Variants in POLR1A observed in about 807,000 individuals in gnomAD.
POLR1A encodes RNA polymerase I subunit A.
In POLR1A, 84 loss-of-function variants were observed where a neutral mutation model predicts 205.3. The observed-to-expected ratio is 0.41, with a 90% CI of 0.34 to 0.49. POLR1A has a LOEUF of 0.49. POLR1A is among the 20% of genes least tolerant of loss of function. POLR1A has a pLI of 0.22. For synonymous variants in POLR1A, 799 were observed against 863.7 expected, an observed-to-expected ratio of 0.93 and a Z score of 1.31; for missense variants, 1,645 against 2,204.5, an observed-to-expected ratio of 0.75 and a Z score of 5.08.
In POLR1A at chr2:86,028,957, C is replaced by T. The variant is rs1672325715; in HGVS notation, c.4780-246G>A. ...AAGAATCCAGCGTGTCCACTTTGGACACGCTTTAGATTCAATGGGAAGAAA... is the reference window on the plus strand; with the variant it reads ...AAGAATCCAGCGTGTCCACTTTGGATACGCTTTAGATTCAATGGGAAGAAA... On this transcript the variant is annotated intron_variant, in intron 31 of 33. Transcript: ENST00000263857. The surrounding 1 kb of genome is among the most constrained non-coding windows in gnomAD (Gnocchi z 4.5). Among the ~76,000 whole-genome samples the T allele has an allele frequency of 6.6e-6, 1 of 152,186 alleles. No homozygotes were observed. Among genetic ancestry groups the T allele is most frequent in the Non-Finnish European group, 1.5e-5 (1 of 68,036 alleles).
intron 2 of POLR1A, among the ~76,000 whole-genome samples, chr2:86,099,414 C>A (rs956141022): frequency 2.0e-4 from 30 of 151,204 alleles, no homozygotes; most frequent in African/African-American, 7.1e-4. Flanking sequence ...AAATCATGTC[C>A]ATGTATACCA....
chr2:86,022,850 G>A lies in POLR1A; in HGVS notation c.*4573C>T, dbSNP rs1024992459. On this transcript the variant is annotated 3_prime_UTR_variant, in exon 34 of 34. Coordinates refer to ENST00000263857, the MANE Select transcript of POLR1A (RefSeq NM_015425.6). ...CTGCCTGAGTCTCTTAAAGTGCTGG[G>A]ACTGTAAGCGTGAGCCACTGTGCCC... The A allele has an allele frequency of 6.6e-6, 1 of 152,096 alleles. No individual in the cohort carries two copies. The highest frequency in any genetic ancestry group is 1.5e-5 in the Non-Finnish European group (1 of 68,060). 9.4% of individuals were successfully genotyped at this position (152,096 alleles called of 1,614,324 possible).
chr2:86,060,633 G>A (rs1467941905), intron 14 of POLR1A, among the ~76,000 whole-genome samples: 1 of 152,100 alleles, frequency 6.6e-6, no homozygotes, highest in Non-Finnish European at 1.5e-5. Context: ...AAATCCATAT[G>A]GGAAAATATG....
rs1673754291 is a variant in POLR1A at position 86,098,699 on chromosome 2, G to GC, written c.343dup (p.Ala115GlyfsTer25). On this transcript the variant is annotated frameshift_variant, in exon 3 of 34. Transcript: ENST00000263857. LOFTEE classifies it high-confidence loss of function. Reference sequence around the variant, plus strand: ...CTGGCAGAGTAAGAGGTGAATCACGGCCCGGGGACAAGTCAGCATGTGGCA... The same window carrying GC: ...CTGGCAGAGTAAGAGGTGAATCACGGCCCCGGGGACAAGTCAGCATGTGGCA... 1.2e-6 allele frequency: 2 copies of GC among 1,613,760 alleles called. No homozygotes were observed. Among genetic ancestry groups the GC allele is most frequent in the Non-Finnish European group, 1.7e-6 (2 of 1,179,956 alleles).
At chr2:86,032,155 G>T in intron 29 of POLR1A, 117 bp downstream of exon 29, 1 of 737,150 alleles carries the variant, frequency 1.4e-6, no homozygotes, top group Admixed American at 2.0e-5. Flanking sequence ...CTGCTTCAGG[G>T]TTCCTTGTGG....
chr2:86,053,208 G>A (rs1672837154), intron 15 of POLR1A, among the ~76,000 whole-genome samples: 1 of 152,068 alleles, frequency 6.6e-6, no homozygotes, highest in Admixed American at 6.5e-5. Context: ...ACAGAGGCAA[G>A]CATATACAGA....
At chr2:86,061,826 C>T (rs529447323) in intron 14 of POLR1A, among the ~76,000 whole-genome samples, 59 of 45,644 alleles carry the variant, frequency 1.3e-3, no homozygotes, top group Non-Finnish European at 2.8e-3. Context: ...TTACCTTTGA[C>T]GAGGGGTAGA....
chr2:86,103,885 G>C (rs1047055135), intron 1 of POLR1A, among the ~76,000 whole-genome samples: 7 of 152,206 alleles, frequency 4.6e-5, no homozygotes, highest in South Asian at 4.1e-4. Flanking sequence ...ACAGAGGGAA[G>C]TACCTCCTTT....
At position 86,024,886 on chromosome 2, in the gene POLR1A, C is replaced by T. The variant is rs553284847; in HGVS notation, c.*2537G>A. 6.6e-6 allele frequency: 1 copy of T among 152,364 alleles called. No homozygotes were observed. Among genetic ancestry groups the T allele is most frequent in the African/African-American group, 2.4e-5 (1 of 41,566 alleles). The allele number at this position is 152,364 out of a possible 1,614,324, so 9.4% of individuals were successfully genotyped here. On this transcript the variant is annotated 3_prime_UTR_variant, in exon 34 of 34. Transcript: ENST00000263857. ...GCACAGTAGCTCACGCCTGTAAACC[C>T]AGCACTTTGGGAGGCTGAGGCAGGC...
rs1673154740 is a variant in POLR1A at position 86,070,372 on chromosome 2, T to C, written c.1612-100A>G. ...CAGCTTGACCAAGGTGTGGCTTTTG[T>C]CTCACGTTCTAGTTAACTAAATGCA... On this transcript the variant is annotated intron_variant, in intron 12 of 33. Transcript: ENST00000263857. The surrounding 1 kb of genome is among the most constrained non-coding windows in gnomAD (Gnocchi z 4.4). 8 of 1,293,880 alleles carry C rather than the reference T, an allele frequency of 6.2e-6. No individual in the cohort carries two copies. In the African/African-American group the frequency reaches 7.4e-5, roughly 12 times the overall value. 80.1% of individuals were successfully genotyped at this position (1,293,880 alleles called of 1,614,324 possible). A position where few individuals can be genotyped will look rare whatever the true frequency, so the allele number is the denominator to read the frequency against.
chr2:86,032,758 AT>A (rs1672420438), intron 28 of POLR1A, among the ~76,000 whole-genome samples: 1 of 152,228 alleles, frequency 6.6e-6, no homozygotes. Context: ...AGGAAGGGTT[AT>A]CTTGTAGAAT....
At chr2:86,035,352 G>A (rs531645669) in intron 27 of POLR1A, among the ~76,000 whole-genome samples, 1 of 152,196 alleles carries the variant, frequency 6.6e-6, no homozygotes, top group African/African-American at 2.4e-5. Context: ...CTGGAAAGAG[G>A]GGGTGGGAGA....
At chr2:86,094,857 A>C (rs1453318133) in intron 3 of POLR1A, among the ~76,000 whole-genome samples, 1 of 151,544 alleles carries the variant, frequency 6.6e-6, no homozygotes, top group Admixed American at 6.6e-5. Flanking sequence ...CTCGGTGTGG[A>C]GCCCTCACCC....
chr2:86,089,968 G>T, intron 3 of POLR1A, 39 bp from the exon 4 acceptor site: 1 of 1,053,408 alleles, frequency 9.5e-7, no homozygotes, highest in Non-Finnish European at 1.5e-6. Context: ...TCACAGTAAT[G>T]TACACCTCTG....
At chr2:86,094,588 T>C (rs1673673060) in intron 3 of POLR1A, among the ~76,000 whole-genome samples, 1 of 152,236 alleles carries the variant, frequency 6.6e-6, no homozygotes, top group Non-Finnish European at 1.5e-5. Context: ...ATCACTCCTC[T>C]GAGCCCTTTC....
At chr2:86,033,630 C>A in intron 28 of POLR1A, 31 bp downstream of exon 28, 1 of 1,607,884 alleles carries the variant, frequency 6.2e-7, no homozygotes. Flanking sequence ...TGTCCCTGTG[C>A]AACTCTAGTG....
chr2:86,086,683 T>C (rs1185140117), intron 6 of POLR1A, among the ~76,000 whole-genome samples: 1 of 151,882 alleles, frequency 6.6e-6, no homozygotes, highest in African/African-American at 2.4e-5. Context: ...AGACTTTTGG[T>C]TGCACCATCA....
intron 3 of POLR1A, among the ~76,000 whole-genome samples, chr2:86,096,830 C>T (rs767287821): frequency 2.1e-4 from 32 of 151,912 alleles, no homozygotes; most frequent in Non-Finnish European, 2.6e-4. Flanking sequence ...TGAATCAGAC[C>T]TCAAAGCACA....
intron 21 of POLR1A, 25 bp from the exon 22 acceptor site, chr2:86,044,329 C>A (rs1480111279): frequency 1.2e-6 from 2 of 1,612,872 alleles, no homozygotes; most frequent in Non-Finnish European, 1.7e-6. Context: ...TCGGCTCAGT[C>A]CCCGCCGGCC....
Sources: allele counts gnomAD v4.1 joint callset (sites outside exome capture counted in the v4.1 genomes callset), GRCh38; gene constraint gnomAD v4.1.1; non-coding constraint Gnocchi (gnomAD v3.1); transcripts MANE v1.5; gene names NCBI Gene and HGNC (gene_info 2026-07-23, HGNC 2026-07-21).